Variants in DAGLB observed in about 807,000 individuals in gnomAD.
The protein encoded by DAGLB is diacylglycerol lipase-beta.
In DAGLB, 66 loss-of-function variants were observed where a neutral mutation model predicts 72.1. That is an observed-to-expected ratio of 0.92 (90% CI 0.75 to 1.12). The LOEUF is 1.12. DAGLB is among the 50% of genes most tolerant of loss of function. DAGLB has a pLI of 0.00. For synonymous variants in DAGLB, 414 were observed against 359.5 expected (o/e 1.15, Z -1.71); for missense variants, 1,065 against 884.9 (o/e 1.20, Z -2.58).
chr7:6,423,039 C>T (rs1784182864), intron 8 of DAGLB, among the ~76,000 whole-genome samples: 1 of 152,132 alleles, frequency 6.6e-6, no homozygotes, highest in African/African-American at 2.4e-5. Context: ...ATGGCTACAG[C>T]CCAGGAGTCC....
intron 6 of DAGLB, among the ~76,000 whole-genome samples, chr7:6,427,211 C>T (rs986794695): frequency 3.9e-5 from 6 of 152,162 alleles, no homozygotes; most frequent in Admixed American, 2.6e-4. Flanking sequence ...TGTAGTGGAA[C>T]TGGGTATAGC....
intron 2 of DAGLB, among the ~76,000 whole-genome samples, chr7:6,437,160 ATAAT>A (rs1784689475): frequency 3.0e-5 from 4 of 132,742 alleles, no homozygotes; most frequent in East Asian, 5.3e-4. Flanking sequence ...TCTCAAAATA[ATAAT>A]AATAATAATA....
chr7:6,415,679 TAA>T (rs1263781711), intron 11 of DAGLB, among the ~76,000 whole-genome samples: 2 of 150,682 alleles, frequency 1.3e-5, no homozygotes, highest in Non-Finnish European at 3.0e-5. Context: ...CCGTCTCTAC[TAA>T]AAAAATACAA....
chr7:6,410,117 A>G lies in DAGLB; in HGVS notation c.1820+13T>C. 1 of 1,575,812 alleles carries G rather than the reference A, an allele frequency of 6.3e-7. No individual in the cohort carries two copies. The highest frequency in any genetic ancestry group is 8.6e-7 in the Non-Finnish European group (1 of 1,158,486). On this transcript the variant is annotated intron_variant, in intron 14 of 14. Transcript: ENST00000297056. ...CTCCTGCCTGCCCACCACACCCACC[A>G]CGCCGCACTCACCGCCCCGAGGCGC...
intron 8 of DAGLB, among the ~76,000 whole-genome samples, chr7:6,424,320 T>G (rs577309591): frequency 6.6e-6 from 1 of 152,196 alleles, no homozygotes; most frequent in South Asian, 2.1e-4. Flanking sequence ...CGAGGGCCTG[T>G]GAGGATCCAA....
chr7:6,429,673 C>G (rs1784417543), intron 6 of DAGLB, among the ~76,000 whole-genome samples: 1 of 151,984 alleles, frequency 6.6e-6, no homozygotes, highest in African/African-American at 2.4e-5. Flanking sequence ...GAGGGTGAGG[C>G]AGGTGAACCA....
intron 13 of DAGLB, among the ~76,000 whole-genome samples, chr7:6,411,739 A>G (rs1021334016): frequency 1.3e-5 from 2 of 152,324 alleles, no homozygotes; most frequent in African/African-American, 4.8e-5. Context: ...TAAACAAGTA[A>G]AAATCATCTC....
chr7:6,443,522 T>C (rs536887418), intron 2 of DAGLB, among the ~76,000 whole-genome samples: 206 of 152,298 alleles, frequency 1.4e-3, no homozygotes, highest in African/African-American at 4.7e-3. Context: ...ATCAGGCACA[T>C]GCCACTCTTG....
Position 6,434,870 on chromosome 7 carries a change from T to G in DAGLB, c.570A>C (p.Thr190=). ...GCTTGATTCTGGTTTCCCACACGCT[T>G]GTAGCTGCTGTCTTGAGGCCATTAA... The part of the protein sequence containing the change: ...QLLNGLKTAA[T]SVWETRIKLL... The change falls in exon 4 of 15, where the codon ACA becomes ACC. Residue 190 remains threonine, a synonymous_variant. Coordinates refer to ENST00000297056, the MANE Select transcript of DAGLB (RefSeq NM_139179.4). 1 of 1,614,180 alleles carries G rather than the reference T, an allele frequency of 6.2e-7. No homozygotes were observed. The highest frequency in any genetic ancestry group is 2.2e-5 in the East Asian group (1 of 44,882).
chr7:6,445,873 A>G, intron 2 of DAGLB, 80 bp downstream of exon 2: 1 of 1,431,734 alleles, frequency 7.0e-7, no homozygotes, highest in South Asian at 1.5e-5. Context: ...AGTTTACAGA[A>G]GTGAATTGTA....
intron 7 of DAGLB, among the ~76,000 whole-genome samples, chr7:6,425,753 C>A (rs538178723): frequency 1.3e-5 from 2 of 152,170 alleles, no homozygotes. Flanking sequence ...AAACACAGCG[C>A]GCTATCTCTG....
At chr7:6,436,024 G>C (rs1039180026) in intron 3 of DAGLB, among the ~76,000 whole-genome samples, 1 of 151,318 alleles carries the variant, frequency 6.6e-6, no homozygotes, top group African/African-American at 2.4e-5. Context: ...TCTGGTTTTG[G>C]TCTTTGGTTT....
At chr7:6,447,621 G>C (rs1474215191) in intron 1 of DAGLB, 127 bp downstream of exon 1, 1 of 1,316,076 alleles carries the variant, frequency 7.6e-7, no homozygotes, top group Non-Finnish European at 1.0e-6. Context: ...CTCGATAAGA[G>C]GATGCGTGGC....
chr7:6,419,350 G>A (rs1456493973), intron 9 of DAGLB, among the ~76,000 whole-genome samples: 4 of 152,218 alleles, frequency 2.6e-5, no homozygotes, highest in African/African-American at 4.8e-5. Flanking sequence ...CTGCGACGGC[G>A]GGATGCAGTC....
In DAGLB at chr7:6,421,645, C is replaced by A. The variant is rs923456605; in HGVS notation, c.1218+82G>T. On this transcript the variant is annotated intron_variant, in intron 9 of 14. Coordinates refer to ENST00000297056, the MANE Select transcript of DAGLB (RefSeq NM_139179.4). ...GCGCGGGAGGCGCAGGCAGCGCGGG[C>A]TCTGTGCAGTCCCTGACCCGAGGCA... 8 of 1,434,192 alleles carry A rather than the reference C, an allele frequency of 5.6e-6. No individual in the cohort carries two copies. In the African/African-American group the frequency reaches 1.1e-4, roughly 21 times the overall value. 88.8% of individuals were successfully genotyped at this position (1,434,192 alleles called of 1,614,324 possible).
chr7:6,435,001 T>C lies in DAGLB; in HGVS notation c.439A>G (p.Thr147Ala), dbSNP rs776606702. 2 of 1,613,460 alleles carry C rather than the reference T, an allele frequency of 1.2e-6. No individual in the cohort carries two copies. The highest frequency in any genetic ancestry group is 1.7e-5 in the Admixed American group (1 of 59,984). The change falls in exon 4 of 15, where the codon ACA (threonine) becomes GCA (alanine). Residue 147 changes from threonine (T) to alanine (A), a missense_variant. Transcript: ENST00000297056. ...VVVSWIIIAA[T>A]VVSIIIVFDP... is the part of the protein sequence containing the mutation. ...AAGACAATGATAATGGAAACCACTG[T>C]GGCAGCGATGATGATCCAACTGCAA...
At chr7:6,419,714 G>A (rs1414497690) in intron 9 of DAGLB, among the ~76,000 whole-genome samples, 2 of 152,216 alleles carry the variant, frequency 1.3e-5, no homozygotes, top group African/African-American at 4.8e-5. Flanking sequence ...GCCTTTGCCT[G>A]AGCAGATCCA....
intron 4 of DAGLB, among the ~76,000 whole-genome samples, chr7:6,434,296 C>G (rs1784584284): frequency 2.0e-5 from 3 of 152,048 alleles, no homozygotes; most frequent in Admixed American, 2.0e-4. Flanking sequence ...ATGACGCTCC[C>G]TTCTGTGCTG....
intron 8 of DAGLB, chr7:6,422,020 G>A (rs1200241195): frequency 4.5e-6 from 3 of 660,784 alleles, no homozygotes; most frequent in African/African-American, 1.8e-5. Flanking sequence ...CAGGCGTGAA[G>A]GGTGGAGGGG....
Sources: allele counts gnomAD v4.1 joint callset (sites outside exome capture counted in the v4.1 genomes callset), GRCh38; gene constraint gnomAD v4.1.1; transcripts MANE v1.5; gene names NCBI Gene and HGNC (gene_info 2026-07-23, HGNC 2026-07-21).